The following FOLH1 variants were observed in gnomAD, a reference collection of about 807,000 sequenced individuals.
FOLH1 encodes the protein folate hydrolase 1.
A neutral mutation model predicts 93.9 loss-of-function variants in FOLH1; 54 were observed. That is an observed-to-expected ratio of 0.57 (90% confidence interval 0.46 to 0.72). The LOEUF is 0.72. Among genes scored for constraint, FOLH1 ranks in the 30% least tolerant of loss-of-function variants. FOLH1 has a pLI of 0.00. For synonymous variants in FOLH1, 249 were observed against 303.6 expected, an observed-to-expected ratio of 0.82 and a Z score of 1.87; for missense variants, 571 against 892.5, an observed-to-expected ratio of 0.64 and a Z score of 4.59.
chr11:49,149,721 A>AT (rs1167368317), intron 17 of FOLH1, among the ~76,000 whole-genome samples: 2 of 152,074 alleles, frequency 1.3e-5, no homozygotes, highest in African/African-American at 2.4e-5. Flanking sequence ...GCTTGTTGAG[A>AT]TTTTTTCCAC....
chr11:49,194,680 G>A (rs998680660), intron 3 of FOLH1, among the ~76,000 whole-genome samples: 11 of 151,818 alleles, frequency 7.2e-5, no homozygotes, highest in African/African-American at 7.3e-5. Flanking sequence ...ATTAAAAAGC[G>A]TAGCATGTCT....
At chr11:49,169,580 T>C (rs1485961654) in intron 11 of FOLH1, among the ~76,000 whole-genome samples, 2 of 152,238 alleles carry the variant, frequency 1.3e-5, no homozygotes, top group Non-Finnish European at 2.9e-5. Flanking sequence ...CAAACATGAA[T>C]GACCTAAGAG....
chr11:49,165,991 C>A (rs1485624191), intron 12 of FOLH1, among the ~76,000 whole-genome samples: 1 of 152,008 alleles, frequency 6.6e-6, no homozygotes, highest in Non-Finnish European at 1.5e-5. Context: ...AGCTCTCTAC[C>A]CTCTCCTCAC....
In FOLH1 at chr11:49,154,452, A is replaced by G; in HGVS notation, c.1664T>C (p.Val555Ala). Residue 555 changes from valine (V) to alanine (A), a missense_variant, in exon 16 of 19, where the codon GTC becomes GCC. This residue lies in a region of FOLH1 where 500 missense variants were observed against 822.9 expected (regional missense o/e 0.61). Coordinates refer to ENST00000256999, the MANE Select transcript of FOLH1 (RefSeq NM_004476.3). ...KFSGYPLYHS[V>A]YETYELVEKF... ...TTCCACCAACTCATATGTTTCATAG[A>G]CACTGTGATACAGTGGATAGCCGCT... The G allele has an allele frequency of 6.2e-7, 1 of 1,605,486 alleles. No individual in the cohort carries two copies. The highest frequency in any genetic ancestry group is 2.2e-5 in the East Asian group (1 of 44,620).
chr11:49,205,814 T>A (rs558693498), intron 2 of FOLH1, among the ~76,000 whole-genome samples: 90 of 152,356 alleles, frequency 5.9e-4, no homozygotes, highest in Middle Eastern at 3.4e-3. Flanking sequence ...GCTGACTAGA[T>A]GTGACACAGA....
At position 49,146,319 on chromosome 11, in the gene FOLH1, GAT is replaced by G. The variant is rs1305160719; in HGVS notation, c.*435_*436del. On this transcript the variant is annotated 3_prime_UTR_variant, in exon 19 of 19. Transcript: ENST00000256999. ...ATCCATTTCCCAAATAGTGTGCTGA[GAT>G]AGTGATCCTCTCAGCCCAGGCTGGC... Among the ~76,000 whole-genome samples, 2 of 152,226 alleles carry G rather than the reference GAT, an allele frequency of 1.3e-5. No homozygotes were observed. The highest frequency in any genetic ancestry group is 4.8e-5 in the African/African-American group (2 of 41,464).
intron 7 of FOLH1, among the ~76,000 whole-genome samples, chr11:49,182,426 G>GGAAAGTTTCAATAATGAAAGCA (rs1458475637): frequency 2.4e-4 from 36 of 151,342 alleles, no homozygotes; most frequent in African/African-American, 8.7e-4. Flanking sequence ...AACAAATCTG[G>GGAAAGTTTCAATAATGAAAGCA]GAAAGTTTCA....
rs1284553177 is a variant in FOLH1, at chr11:49,170,531, C to T, written c.1308+664G>A. ...TCAGGAGCCTAGGGCAGGAGAATTG[C>T]TTGAACCCGGGATGCTGACGCTTCA... On this transcript the variant is annotated intron_variant, in intron 11 of 18. Transcript: ENST00000256999. 2.6e-5 allele frequency among the ~76,000 whole-genome samples: 4 copies of T among 152,118 alleles called. No homozygotes were observed. The East Asian group carries it at 7.7e-4, about 29-fold the overall frequency.
Position 49,155,835 on chromosome 11 carries a change from T to TATAA in FOLH1, c.1623+881_1623+882insTTAT, listed in dbSNP as rs1193032047. ...ATATATATATATATATATATATATA[T>TATAA]AATCAACAACAAAAGAAAGGGAATC... On this transcript the variant is annotated intron_variant, in intron 15 of 18. Coordinates refer to ENST00000256999, the MANE Select transcript of FOLH1 (RefSeq NM_004476.3). Among the ~76,000 whole-genome samples, 123 of 121,776 alleles carry TATAA rather than the reference T, an allele frequency of 1.0e-3. 1 individual carries two copies. Among genetic ancestry groups the TATAA allele is most frequent in the Middle Eastern group, 4.3e-3 (1 of 234 alleles). 79.9% of individuals were successfully genotyped at this position (121,776 alleles called of 152,430 possible).
At chr11:49,207,838 C>G (rs2931197) in intron 1 of FOLH1, 14 of 454,098 alleles carry the variant, frequency 3.1e-5, no homozygotes, top group Admixed American at 2.6e-4. Flanking sequence ...GCAAAAGACC[C>G]GCTGGTAAAG....
chr11:49,199,860 G>T (rs184780340), intron 3 of FOLH1, among the ~76,000 whole-genome samples: 4 of 151,514 alleles, frequency 2.6e-5, no homozygotes, highest in African/African-American at 9.7e-5. Context: ...GCAGTGAGCC[G>T]AGATGGCACC....
chr11:49,165,550 G>T (rs1482423805), intron 12 of FOLH1, among the ~76,000 whole-genome samples: 1 of 152,146 alleles, frequency 6.6e-6, no homozygotes, highest in African/African-American at 2.4e-5. Flanking sequence ...TTGGGGGAGG[G>T]AAGTCAAGAC....
chr11:49,147,080 T>C, intron 18 of FOLH1, 135 bp from the exon 19 acceptor site: 1 of 577,748 alleles, frequency 1.7e-6, no homozygotes, highest in South Asian at 2.8e-5. Flanking sequence ...AACTTCCAAG[T>C]TCAATCATCT....
chr11:49,181,786 A>G (rs1373528522), intron 7 of FOLH1, among the ~76,000 whole-genome samples: 2 of 152,128 alleles, frequency 1.3e-5, no homozygotes, highest in Non-Finnish European at 2.9e-5. Flanking sequence ...TATAGCCCCA[A>G]GGAAGAAAGA....
intron 12 of FOLH1, among the ~76,000 whole-genome samples, chr11:49,168,024 C>G (rs1164130849): frequency 6.9e-6 from 1 of 145,842 alleles, no homozygotes; most frequent in Non-Finnish European, 1.5e-5. Context: ...CTAAAAAATT[C>G]CCCCTTCATT....
chr11:49,154,101 G>A, intron 16 of FOLH1, 127 bp downstream of exon 16: 2 of 1,413,830 alleles, frequency 1.4e-6, no homozygotes, highest in East Asian at 2.3e-5. Context: ...TACATTTATA[G>A]ACATAAACAG....
chr11:49,192,988 G>C (rs1202140986), intron 3 of FOLH1, 94 bp from the exon 4 acceptor site: 1 of 1,049,942 alleles, frequency 9.5e-7, no homozygotes, highest in Non-Finnish European at 1.3e-6. Context: ...TTTTATGTCA[G>C]TAGAGGGTGA....
intron 11 of FOLH1, among the ~76,000 whole-genome samples, chr11:49,170,135 A>G (rs1361361802): frequency 6.6e-6 from 1 of 152,188 alleles, no homozygotes; most frequent in African/African-American, 2.4e-5. Flanking sequence ...AATTAATGGA[A>G]TAAACATTGA....
chr11:49,206,855 C>T, intron 1 of FOLH1: 2 of 1,477,452 alleles, frequency 1.4e-6, no homozygotes, highest in South Asian at 1.2e-5. Flanking sequence ...AGTCATTAGA[C>T]CTTGCAGTTG....
Sources: allele counts gnomAD v4.1 joint callset (sites outside exome capture counted in the v4.1 genomes callset), GRCh38; gene constraint gnomAD v4.1.1; regional missense constraint gnomAD v4.1.1; transcripts MANE v1.5; gene names NCBI Gene and HGNC (gene_info 2026-07-23, HGNC 2026-07-21).